The following STARD13 variants were observed in gnomAD, a reference collection of about 807,000 sequenced individuals.
STARD13 encodes the protein stAR-related lipid transfer protein 13.
Under a neutral mutation model 106.4 loss-of-function variants are expected in STARD13, and 62 were observed. The ratio of observed to expected loss-of-function variants is 0.58; its 90% CI spans 0.48 to 0.72. STARD13 has a LOEUF of 0.72. Ranked by LOEUF, STARD13 falls within the 30% of genes least tolerant of loss-of-function variation. The probability of loss-of-function intolerance (pLI) is 0.00; values close to 1 mark genes in which losing one functional copy is unlikely to be tolerated. For missense variants in STARD13, 1,387 were observed against 1,424.0 expected (o/e 0.97, Z 0.42); for synonymous variants, 565 against 553.0 (o/e 1.02, Z -0.31).
At chr13:33,469,978 A>G in the STARD13 span, among the ~76,000 whole-genome samples, 1 of 152,260 alleles carries the variant, frequency 6.6e-6, no homozygotes, top group Admixed American at 6.5e-5. Context: ...ATAGGTATAC[A>G]TGTGCCATGG....
the STARD13 span, among the ~76,000 whole-genome samples, chr13:33,516,392 C>T: frequency 1.3e-5 from 2 of 151,162 alleles, no homozygotes; most frequent in Non-Finnish European, 2.9e-5. Flanking sequence ...TGAATGAATT[C>T]CATCATCATA....
the STARD13 span, among the ~76,000 whole-genome samples, chr13:33,672,627 A>G: frequency 0.01 from 1,550 of 152,356 alleles, 22 homozygotes; most frequent in African/African-American, 0.034. Flanking sequence ...TTACTTGAAG[A>G]TGAATTCATT....
intron 1 of STARD13, among the ~76,000 whole-genome samples, chr13:33,173,203 A>C (rs1040797961): frequency 6.6e-6 from 1 of 152,214 alleles, no homozygotes; most frequent in South Asian, 2.1e-4. Flanking sequence ...GCTTAGGATA[A>C]TTTATATGGC....
intron 4 of STARD13, among the ~76,000 whole-genome samples, chr13:33,132,220 T>C (rs1266112525): frequency 2.0e-5 from 3 of 152,078 alleles, no homozygotes; most frequent in African/African-American, 7.2e-5. Context: ...GCTGATACGG[T>C]TTGGTTGTGT....
At chr13:33,586,061 TA>T in the STARD13 span, among the ~76,000 whole-genome samples, 5 of 152,120 alleles carry the variant, frequency 3.3e-5, no homozygotes, top group African/African-American at 1.2e-4. Flanking sequence ...TAAGAATGAT[TA>T]AAAAGGTAAA....
the STARD13 span, among the ~76,000 whole-genome samples, chr13:33,542,110 C>G: frequency 6.6e-6 from 1 of 152,186 alleles, no homozygotes; most frequent in Admixed American, 6.5e-5. Context: ...CGAAGACATG[C>G]TTTCTTAAAT....
At chr13:33,193,963 G>A (rs1447192999) in intron 1 of STARD13, among the ~76,000 whole-genome samples, 5 of 151,738 alleles carry the variant, frequency 3.3e-5, no homozygotes, top group African/African-American at 1.2e-4. Flanking sequence ...TTTTCTTTTA[G>A]AGTTGAAACA....
At chr13:33,328,637 A>G (rs1279719807) in intron 1 of STARD13, among the ~76,000 whole-genome samples, 1 of 152,220 alleles carries the variant, frequency 6.6e-6, no homozygotes, top group Non-Finnish European at 1.5e-5. Context: ...AAGCAGCACA[A>G]CTATCTCTCT....
At chr13:33,387,498 G>A in the STARD13 span, among the ~76,000 whole-genome samples, 13 of 152,236 alleles carry the variant, frequency 8.5e-5, no homozygotes, top group African/African-American at 2.9e-4. Context: ...CACAGTCAAG[G>A]ATGCACTCCC....
the STARD13 span, among the ~76,000 whole-genome samples, chr13:33,515,834 G>A: frequency 1.3e-5 from 2 of 152,042 alleles, no homozygotes; most frequent in Non-Finnish European, 2.9e-5. Context: ...TAAATGTTTT[G>A]ATAAAACAAA....
chr13:33,214,548 G>C (rs573881458), intron 1 of STARD13, among the ~76,000 whole-genome samples: 1 of 152,120 alleles, frequency 6.6e-6, no homozygotes, highest in Admixed American at 6.5e-5. Context: ...AGGAACATCC[G>C]CGCCGAGTGA....
chr13:33,228,931 C>A (rs1442466524), intron 1 of STARD13, among the ~76,000 whole-genome samples: 2 of 152,136 alleles, frequency 1.3e-5, no homozygotes, highest in African/African-American at 2.4e-5. Flanking sequence ...TTTCAAAACT[C>A]CAAGATACCA....
chr13:33,410,487 C>T, the STARD13 span, among the ~76,000 whole-genome samples: 2 of 152,180 alleles, frequency 1.3e-5, no homozygotes, highest in Admixed American at 1.3e-4. Flanking sequence ...TCTCAGCCAT[C>T]AGGCTTTATC....
At chr13:33,121,235 G>A (rs576997165) in intron 7 of STARD13, among the ~76,000 whole-genome samples, 1 of 152,292 alleles carries the variant, frequency 6.6e-6, no homozygotes, top group African/African-American at 2.4e-5. Flanking sequence ...GAAAAACACT[G>A]TGACGGCAAC....
intron 4 of STARD13, among the ~76,000 whole-genome samples, chr13:33,131,213 C>G (rs930679341): frequency 5.3e-5 from 8 of 152,222 alleles, no homozygotes; most frequent in Admixed American, 5.2e-4. Context: ...TAAACTGAAT[C>G]ATCGGATCCT....
At chr13:33,543,983 T>C in the STARD13 span, among the ~76,000 whole-genome samples, 4 of 152,226 alleles carry the variant, frequency 2.6e-5, no homozygotes, top group Non-Finnish European at 5.9e-5. Flanking sequence ...AGTAGAGAGC[T>C]ACATAAATGT....
intron 5 of STARD13, among the ~76,000 whole-genome samples, chr13:33,127,856 TGTGA>T (rs1377664241): frequency 3.3e-5 from 4 of 120,678 alleles, no homozygotes; most frequent in African/African-American, 5.4e-5. Context: ...ACAGTGTGTG[TGTGA>T]GTGAGTGTGT....
At chr13:33,197,074 CGGGGAAATGAATATAG>C (rs539184420) in intron 1 of STARD13, among the ~76,000 whole-genome samples, 78 of 152,266 alleles carry the variant, frequency 5.1e-4, no homozygotes, top group South Asian at 2.1e-3. Flanking sequence ...GCCACTGTGC[CGGGGAAATGAATATAG>C]GGTGGCCACA....
intron 3 of STARD13, among the ~76,000 whole-genome samples, chr13:33,150,024 C>T (rs1172252642): frequency 1.3e-5 from 2 of 152,172 alleles, no homozygotes; most frequent in African/African-American, 4.8e-5. Context: ...AATGTATTTG[C>T]AGCATGAATA....
Sources: allele counts gnomAD v4.1 joint callset (sites outside exome capture counted in the v4.1 genomes callset), GRCh38; gene constraint gnomAD v4.1.1; transcripts MANE v1.5; gene names NCBI Gene and HGNC (gene_info 2026-07-23, HGNC 2026-07-21).